The following FZD3 variants were observed in gnomAD, a reference collection of about 807,000 sequenced individuals.
The protein encoded by FZD3 is frizzled class receptor 3, also known as frizzled-3.
Under a neutral mutation model 60.7 loss-of-function variants are expected in FZD3, and 30 were observed. That is an observed-to-expected ratio of 0.49 (90% CI 0.37 to 0.67). The LOEUF (loss-of-function observed/expected upper bound fraction) is 0.67, where lower values mean the gene tolerates loss of function less well. FZD3 is among the 30% of genes least tolerant of loss of function. The pLI is 0.00. For synonymous variants in FZD3, 246 were observed against 275.2 expected, an observed-to-expected ratio of 0.89 and a Z score of 1.05; for missense variants, 605 against 838.7, an observed-to-expected ratio of 0.72 and a Z score of 3.44.
At chr8:28,540,836 T>C (rs1805147420) in intron 5 of FZD3, among the ~76,000 whole-genome samples, 1 of 152,000 alleles carries the variant, frequency 6.6e-6, no homozygotes, top group Admixed American at 6.6e-5. Context: ...TCCCAGATAC[T>C]CAGGAGGCTG....
Position 28,566,601 on chromosome 8 carries a change from A to G in FZD3, c.*3590A>G, listed in dbSNP as rs1351940726. ...AAACTGTACCCATCTTAGTTAGGCT[A>G]TATCTCTGTGAAATGAAAGGAACCA... On this transcript the variant is annotated 3_prime_UTR_variant, in exon 8 of 8. Coordinates refer to ENST00000240093, the MANE Select transcript of FZD3 (RefSeq NM_017412.4). 3 of 152,226 alleles carry G rather than the reference A, an allele frequency of 2.0e-5. No homozygotes were observed. The highest frequency in any genetic ancestry group is 6.5e-5 in the Admixed American group (1 of 15,282). 9.4% of individuals were successfully genotyped at this position (152,226 alleles called of 1,614,324 possible). A position where few individuals can be genotyped will look rare whatever the true frequency, so the allele number is the denominator to read the frequency against.
At chr8:28,559,308 G>A (rs796472386) in intron 7 of FZD3, among the ~76,000 whole-genome samples, 1 of 152,160 alleles carries the variant, frequency 6.6e-6, no homozygotes, top group African/African-American at 2.4e-5. Context: ...AATATTCACA[G>A]TAATAATAAT....
chr8:28,503,954 A>T (rs186720687), intron 3 of FZD3, among the ~76,000 whole-genome samples: 2 of 152,316 alleles, frequency 1.3e-5, no homozygotes, highest in East Asian at 3.9e-4. Flanking sequence ...GGCGCATAGT[A>T]AGTACTCTAT....
chr8:28,567,758 A>G lies in FZD3; in HGVS notation c.*4747A>G, dbSNP rs1805730087. On this transcript the variant is annotated 3_prime_UTR_variant, in exon 8 of 8. Transcript: ENST00000240093. ...AAAGTAGGTTATGCTCTTAAATTGT[A>G]TTGGTTCTTTAATATGTGTTATACC... 6.6e-6 allele frequency: 1 copy of G among 152,156 alleles called. No individual in the cohort carries two copies. The highest frequency in any genetic ancestry group is 1.5e-5 in the Non-Finnish European group (1 of 68,026). The allele number at this position is 152,156 out of a possible 1,614,324, so 9.4% of individuals were successfully genotyped here.
At chr8:28,516,174 C>T (rs1213534441) in intron 3 of FZD3, among the ~76,000 whole-genome samples, 1 of 152,102 alleles carries the variant, frequency 6.6e-6, no homozygotes, top group Non-Finnish European at 1.5e-5. Context: ...TCCCATTGAA[C>T]AGTCTTGGCA....
intron 3 of FZD3, among the ~76,000 whole-genome samples, chr8:28,510,178 A>AT (rs1469661570): frequency 1.3e-5 from 2 of 151,880 alleles, no homozygotes; most frequent in African/African-American, 4.8e-5. Flanking sequence ...CATGATCCTT[A>AT]TTTTTTTATA....
At chr8:28,528,797 A>G (rs1007350197) in intron 5 of FZD3, among the ~76,000 whole-genome samples, 1 of 152,170 alleles carries the variant, frequency 6.6e-6, no homozygotes, top group East Asian at 1.9e-4. Context: ...TGAGTAGTAA[A>G]TGAACAGCTG....
Position 28,563,349 on chromosome 8 carries a change from T to C in FZD3, c.*338T>C, listed in dbSNP as rs1045479128. The C allele has an allele frequency of 4.3e-6, 1 of 231,218 alleles. No individual in the cohort carries two copies. The allele number at this position is 231,218 out of a possible 1,614,324, so 14.3% of individuals were successfully genotyped here. ...GACTGCTTTGTAGTGAACTTTCATA[T>C]ACTATAAACTAGTTGTGAGATAACA... On this transcript the variant is annotated 3_prime_UTR_variant, in exon 8 of 8. Coordinates refer to ENST00000240093, the MANE Select transcript of FZD3 (RefSeq NM_017412.4).
intron 5 of FZD3, among the ~76,000 whole-genome samples, chr8:28,550,648 T>A (rs746759914): frequency 3.3e-5 from 5 of 151,840 alleles, no homozygotes; most frequent in African/African-American, 1.2e-4. Flanking sequence ...CCTGCCACCA[T>A]GCCCAGCTAA....
At chr8:28,500,154 C>T (rs1361035162) in intron 2 of FZD3, among the ~76,000 whole-genome samples, 176 bp downstream of exon 2, 1 of 152,136 alleles carries the variant, frequency 6.6e-6, no homozygotes, top group Non-Finnish European at 1.5e-5. Context: ...TTTTTCCCTT[C>T]TTTTAATAAT....
chr8:28,507,582 C>T (rs187726980), intron 3 of FZD3, among the ~76,000 whole-genome samples: 1 of 152,278 alleles, frequency 6.6e-6, no homozygotes, highest in African/African-American at 2.4e-5. Context: ...ACCCTTTCTT[C>T]ATTTCTTAGC....
chr8:28,501,075 A>G (rs958925985), intron 2 of FZD3, among the ~76,000 whole-genome samples: 6 of 152,154 alleles, frequency 3.9e-5, no homozygotes, highest in African/African-American at 1.4e-4. Flanking sequence ...TCTGTTTTCT[A>G]TAGGCAGATC....
chr8:28,556,427 A>G (rs1379517038), intron 7 of FZD3, among the ~76,000 whole-genome samples: 1 of 152,232 alleles, frequency 6.6e-6, no homozygotes, highest in Non-Finnish European at 1.5e-5. Flanking sequence ...AAATGAAAAT[A>G]GTATTAATAT....
intron 7 of FZD3, among the ~76,000 whole-genome samples, chr8:28,558,092 T>G (rs1805545726): frequency 6.6e-6 from 1 of 152,192 alleles, no homozygotes; most frequent in South Asian, 2.1e-4. Context: ...GAGCATAGAC[T>G]GCATGTTTTG....
Position 28,528,039 on chromosome 8 carries a change from C to T in FZD3, c.1279C>T (p.Leu427Phe). ...FMIRIGVFSI[L>F]YLVPLLVVIG... ...GATCCGGATCGGTGTTTTCAGCATT[C>T]TTTATCTCGTACCACTCTTGGTTGT... The change falls in exon 5 of 8, where the codon CTT becomes TTT. Residue 427 changes from leucine to phenylalanine, a missense_variant. By Grantham distance (22) the Leu-to-Phe change is conservative. Coordinates refer to ENST00000240093, the MANE Select transcript of FZD3 (RefSeq NM_017412.4). 6.2e-7 allele frequency: 1 copy of T among 1,613,958 alleles called. No homozygotes were observed. Among genetic ancestry groups the T allele is most frequent in the Non-Finnish European group, 8.5e-7 (1 of 1,179,892 alleles).
At chr8:28,534,308 CAT>C (rs1208170315) in intron 5 of FZD3, among the ~76,000 whole-genome samples, 1 of 152,176 alleles carries the variant, frequency 6.6e-6, no homozygotes, top group Non-Finnish European at 1.5e-5. Flanking sequence ...ATTGTGCAAC[CAT>C]CACCTCCATC....
chr8:28,535,457 A>G (rs918925829), intron 5 of FZD3, among the ~76,000 whole-genome samples: 2 of 152,036 alleles, frequency 1.3e-5, no homozygotes, highest in Admixed American at 1.3e-4. Flanking sequence ...CTAATGTCCT[A>G]TTTCTGTTCT....
At chr8:28,521,549 C>G (rs1317825124) in intron 4 of FZD3, among the ~76,000 whole-genome samples, 2 of 151,902 alleles carry the variant, frequency 1.3e-5, no homozygotes, top group African/African-American at 4.8e-5. Flanking sequence ...AGAAATGAAA[C>G]AATACAGGTA....
chr8:28,531,896 T>A (rs1208824876), intron 5 of FZD3, among the ~76,000 whole-genome samples: 1 of 152,192 alleles, frequency 6.6e-6, no homozygotes. Flanking sequence ...CTTAGTCTTT[T>A]GTGTTTTAAG....
Sources: gnomAD v4.1 joint callset for allele counts (sites outside exome capture counted in the v4.1 genomes callset) on GRCh38, gnomAD v4.1.1 for gene constraint, MANE v1.5 for transcripts, NCBI Gene and HGNC (gene_info 2026-07-23, HGNC 2026-07-21) for gene names.